Variants in PPP4R1 observed in about 807,000 individuals in gnomAD.
The protein encoded by PPP4R1 is serine/threonine-protein phosphatase 4 regulatory subunit 1.
Under a neutral mutation model 111.2 loss-of-function variants are expected in PPP4R1, and 42 were observed. That is an observed-to-expected ratio of 0.38 (90% CI 0.29 to 0.49). The LOEUF (loss-of-function observed/expected upper bound fraction) is 0.49, where lower values mean the gene tolerates loss of function less well. Ranked by LOEUF, PPP4R1 falls within the 20% of genes least tolerant of loss-of-function variation. The probability of loss-of-function intolerance (pLI) is 0.97; values close to 1 mark genes in which losing one functional copy is unlikely to be tolerated. For missense variants in PPP4R1, 1,012 were observed against 1,161.6 expected (o/e 0.87, Z 1.87); for synonymous variants, 409 against 405.5 (o/e 1.01, Z -0.10).
At chr18:9,568,128 A>G (rs1039542266) in intron 11 of PPP4R1, among the ~76,000 whole-genome samples, 6 of 152,128 alleles carry the variant, frequency 3.9e-5, no homozygotes, top group African/African-American at 1.2e-4. Flanking sequence ...CCTAGGCTCA[A>G]TTCTCCCACC....
intron 2 of PPP4R1, among the ~76,000 whole-genome samples, chr18:9,601,622 A>G (rs1172589751): frequency 6.6e-6 from 1 of 152,150 alleles, no homozygotes; most frequent in Non-Finnish European, 1.5e-5. Flanking sequence ...CCTCTTGAGC[A>G]GCTGGAATTA....
At chr18:9,564,882 T>G (rs1016989177) in intron 11 of PPP4R1, among the ~76,000 whole-genome samples, 2 of 151,942 alleles carry the variant, frequency 1.3e-5, no homozygotes, top group Non-Finnish European at 2.9e-5. Flanking sequence ...TTGGAGTTAC[T>G]TGCAGAAAGC....
chr18:9,602,696 C>A (rs887452368), intron 2 of PPP4R1, among the ~76,000 whole-genome samples: 1 of 151,978 alleles, frequency 6.6e-6, no homozygotes, highest in African/African-American at 2.4e-5. Context: ...CCCATCTCTT[C>A]TAAAAATACA....
chr18:9,605,234 A>G (rs1026351668), intron 2 of PPP4R1, among the ~76,000 whole-genome samples: 11 of 152,194 alleles, frequency 7.2e-5, no homozygotes, highest in Admixed American at 7.2e-4. Context: ...TTGGGGCTTT[A>G]AAATTATATT....
rs183015126 is a variant in PPP4R1 at position 9,588,565 on chromosome 18, G to C, written c.438+146C>G. 4.3e-6 allele frequency: 4 copies of C among 927,576 alleles called. No homozygotes were observed. In the Admixed American group the frequency reaches 1.2e-4, roughly 29 times the overall value. 57.5% of individuals were successfully genotyped at this position (927,576 alleles called of 1,614,324 possible). A position where few individuals can be genotyped will look rare whatever the true frequency, so the allele number is the denominator to read the frequency against. ...GGCATTAAAGGGATCTACTAGATTT[G>C]TCAGACTCTAAACACATCTTGTCTA... On this transcript the variant is annotated intron_variant, in intron 5 of 19. Coordinates refer to ENST00000400556, the MANE Select transcript of PPP4R1 (RefSeq NM_001042388.3).
intron 12 of PPP4R1, among the ~76,000 whole-genome samples, chr18:9,562,293 A>C (rs1408505878): frequency 6.6e-6 from 1 of 152,206 alleles, no homozygotes; most frequent in African/African-American, 2.4e-5. Context: ...TTCCAGAAAA[A>C]TTAGAGTAAT....
At chr18:9,614,769 G>C (rs1233919783), upstream of PPP4R1, 1 of 147,770 alleles carries the variant, frequency 6.8e-6, no homozygotes, top group Non-Finnish European at 1.5e-5. This position sits in a 1 kb window ranked among gnomAD's most constrained non-coding sequence, Gnocchi z 4.1. Context: ...CTGCTTGCCG[G>C]GTCCCGGCCC....
chr18:9,606,323 A>ATTGGATG (rs1230333021), intron 2 of PPP4R1, among the ~76,000 whole-genome samples: 1 of 152,176 alleles, frequency 6.6e-6, no homozygotes, highest in African/African-American at 2.4e-5. Flanking sequence ...ATAAAATTTT[A>ATTGGATG]TTGGATGACA....
intron 2 of PPP4R1, among the ~76,000 whole-genome samples, chr18:9,611,528 A>G (rs1159695081): frequency 1.3e-5 from 2 of 152,210 alleles, no homozygotes; most frequent in African/African-American, 2.4e-5. Flanking sequence ...TCAACTGGCC[A>G]TATGTCCAAA....
intron 10 of PPP4R1, among the ~76,000 whole-genome samples, chr18:9,573,426 C>T (rs1310435484): frequency 6.6e-6 from 1 of 152,094 alleles, no homozygotes; most frequent in East Asian, 1.9e-4. Flanking sequence ...GGAAAATCTA[C>T]ATGGATATAT....
In PPP4R1 at chr18:9,573,791, T is replaced by G. The variant is rs528516805; in HGVS notation, c.1047-3108A>C. Among the ~76,000 whole-genome samples the G allele has an allele frequency of 3.3e-5, 5 of 152,272 alleles. No individual in the cohort carries two copies. The East Asian group carries it at 9.6e-4, about 29-fold the overall frequency. On this transcript the variant is annotated intron_variant, in intron 10 of 19. Coordinates refer to ENST00000400556, the MANE Select transcript of PPP4R1 (RefSeq NM_001042388.3). ...CTCACCTTGGTGTTAAAATTAAATT[T>G]TAATATTCTCAGCTGCAAAAATGAA... is the stretch of plus-strand genomic sequence containing the variant.
At chr18:9,574,573 A>G (rs780374297) in intron 10 of PPP4R1, among the ~76,000 whole-genome samples, 4 of 152,204 alleles carry the variant, frequency 2.6e-5, no homozygotes, top group Admixed American at 6.5e-5. Context: ...GGTCAAATCC[A>G]TATTTCCCTA....
intron 9 of PPP4R1, 85 bp from the exon 10 acceptor site, chr18:9,577,276 C>G (rs1305071589): frequency 2.2e-6 from 3 of 1,346,988 alleles, no homozygotes; most frequent in Non-Finnish European, 3.1e-6. Context: ...TAATAATCTA[C>G]TTTCAAATGC....
In PPP4R1 at chr18:9,614,501, C is replaced by T. The variant is rs1394617032; in HGVS notation, c.-17G>A. The T allele has an allele frequency of 6.8e-6, 7 of 1,025,212 alleles. No homozygotes were observed. Among genetic ancestry groups the T allele is most frequent in the East Asian group, 7.9e-5 (1 of 12,652 alleles). 63.5% of individuals were successfully genotyped at this position (1,025,212 alleles called of 1,614,324 possible). A position where few individuals can be genotyped will look rare whatever the true frequency, so the allele number is the denominator to read the frequency against. On this transcript the variant is annotated 5_prime_UTR_variant, in exon 1 of 20. Transcript: ENST00000400556. This position sits in a 1 kb window ranked among gnomAD's most constrained non-coding sequence, Gnocchi z 4.1. ...ACCCGCCATCTTGTGGTCGCCCCCT[C>T]CTCCGCGGCCGCCCGGGGAGCCGGG...
At chr18:9,608,977 A>AT (rs901478542) in intron 2 of PPP4R1, among the ~76,000 whole-genome samples, 2 of 152,152 alleles carry the variant, frequency 1.3e-5, no homozygotes, top group East Asian at 3.9e-4. Flanking sequence ...TTGGTTTTTT[A>AT]TTTTTTGGAG....
At chr18:9,570,745 T>G in intron 10 of PPP4R1, 62 bp from the exon 11 acceptor site, 1 of 1,464,208 alleles carries the variant, frequency 6.8e-7, no homozygotes, top group Non-Finnish European at 9.0e-7. Context: ...TTAAAAAAAC[T>G]GATGAAAGAT....
At chr18:9,581,083 C>T (rs577960068) in intron 9 of PPP4R1, among the ~76,000 whole-genome samples, 11 of 152,090 alleles carry the variant, frequency 7.2e-5, no homozygotes, top group Non-Finnish European at 1.3e-4. Flanking sequence ...AGTAACAAGC[C>T]CCCATGGGGG....
At chr18:9,572,362 T>C (rs1193629293) in intron 10 of PPP4R1, among the ~76,000 whole-genome samples, 3 of 151,938 alleles carry the variant, frequency 2.0e-5, no homozygotes, top group Admixed American at 6.6e-5. Context: ...CTGAGGAAAA[T>C]AGGTTAGAAG....
chr18:9,572,440 G>T (rs935241261), intron 10 of PPP4R1, among the ~76,000 whole-genome samples: 2 of 152,182 alleles, frequency 1.3e-5, no homozygotes, highest in South Asian at 2.1e-4. Context: ...CTGAGAAGAG[G>T]AAAGAATATG....
Sources: gnomAD v4.1 joint callset for allele counts (sites outside exome capture counted in the v4.1 genomes callset) on GRCh38, gnomAD v4.1.1 for gene constraint, Gnocchi (gnomAD v3.1) non-coding constraint, MANE v1.5 for transcripts, NCBI Gene and HGNC (gene_info 2026-07-23, HGNC 2026-07-21) for gene names.